Variants in ZNF267 observed in about 807,000 individuals in gnomAD.
The protein encoded by ZNF267 is zinc finger (C2H2).
ZNF267 carries 61 observed loss-of-function variants against 71.6 expected under a neutral mutation model. The observed-to-expected ratio is 0.85, with a 90% CI of 0.69 to 1.05. ZNF267 has a LOEUF of 1.05. Among genes scored for constraint, ZNF267 ranks in the 50% least tolerant of loss-of-function variants. The probability of loss-of-function intolerance (pLI) is 0.00; values close to 1 mark genes in which losing one functional copy is unlikely to be tolerated. For missense variants in ZNF267, 852 were observed against 870.0 expected (o/e 0.98, Z 0.26); for synonymous variants, 288 against 293.2 (o/e 0.98, Z 0.18).
In ZNF267 at chr16:31,916,779, A is replaced by G. The variant is rs891318231; in HGVS notation, c.*298A>G. On this transcript the variant is annotated 3_prime_UTR_variant, in exon 4 of 4. Transcript: ENST00000300870. ...AAAATATCAAACTTATGAGTCACCT[A>G]GGGGTTCATAGAAAAAGGAAGTTTG... 2.3e-5 allele frequency: 6 copies of G among 256,558 alleles called. No homozygotes were observed. Among genetic ancestry groups the G allele is most frequent in the African/African-American group, 4.5e-5 (2 of 44,444 alleles). 15.9% of individuals were successfully genotyped at this position (256,558 alleles called of 1,614,324 possible). A position where few individuals can be genotyped will look rare whatever the true frequency, so the allele number is the denominator to read the frequency against.
chr16:31,890,368 C>A (rs1269364615), intron 3 of ZNF267: 3 of 152,182 alleles, frequency 2.0e-5, no homozygotes, highest in Non-Finnish European at 4.4e-5. Flanking sequence ...GAACTCCTTT[C>A]CTCTTGTGAC....
At chr16:31,893,544 TC>T (rs2083975827) in intron 3 of ZNF267, among the ~76,000 whole-genome samples, 1 of 152,228 alleles carries the variant, frequency 6.6e-6, no homozygotes, top group Non-Finnish European at 1.5e-5. Flanking sequence ...ATGGTTTGCT[TC>T]CCTTATAAAA....
chr16:31,879,616 A>G (rs2083876020), intron 1 of ZNF267, among the ~76,000 whole-genome samples: 1 of 152,186 alleles, frequency 6.6e-6, no homozygotes, highest in Non-Finnish European at 1.5e-5. Flanking sequence ...TTGTGCAGCA[A>G]AGTGCCCATT....
intron 3 of ZNF267, among the ~76,000 whole-genome samples, chr16:31,905,314 T>A (rs555964635): frequency 6.6e-6 from 1 of 152,252 alleles, no homozygotes; most frequent in East Asian, 1.9e-4. Flanking sequence ...CTATATTTCC[T>A]GAATTTGAAT....
intron 3 of ZNF267, among the ~76,000 whole-genome samples, chr16:31,910,567 T>C (rs2084128010): frequency 6.6e-6 from 1 of 151,698 alleles, no homozygotes; most frequent in Non-Finnish European, 1.5e-5. Context: ...TAATAATCTT[T>C]TGAATTTCTG....
At chr16:31,887,396 A>T (rs1451385689) in intron 3 of ZNF267, among the ~76,000 whole-genome samples, 3 of 151,738 alleles carry the variant, frequency 2.0e-5, no homozygotes, top group Non-Finnish European at 2.9e-5. Context: ...GTTTCATTTA[A>T]TGCTACTTGT....
intron 3 of ZNF267, among the ~76,000 whole-genome samples, chr16:31,902,022 T>C (rs1319752527): frequency 2.0e-5 from 3 of 152,148 alleles, no homozygotes; most frequent in African/African-American, 7.2e-5. Flanking sequence ...GGCTAGCCAG[T>C]TTTCCCAGCA....
rs1347680624 is a variant in ZNF267, at chr16:31,874,076, TCTGG to T, written c.3+108_3+111del. 3.1e-6 allele frequency: 4 copies of T among 1,300,540 alleles called. No homozygotes were observed. In the East Asian group the frequency reaches 9.5e-5, roughly 31 times the overall value. 80.6% of individuals were successfully genotyped at this position (1,300,540 alleles called of 1,614,324 possible). A position where few individuals can be genotyped will look rare whatever the true frequency, so the allele number is the denominator to read the frequency against. ...GGCCTCCCCGCAGTCAGCCTCGGGGTCTGGGCCCCGAGTCCCAACTGGTGCAGCT... is the reference window on the plus strand; with the variant it reads ...GGCCTCCCCGCAGTCAGCCTCGGGGTGCCCCGAGTCCCAACTGGTGCAGCT... On this transcript the variant is annotated intron_variant, in intron 1 of 3. Coordinates refer to ENST00000300870, the MANE Select transcript of ZNF267 (RefSeq NM_003414.6).
chr16:31,884,745 A>T, intron 2 of ZNF267, 121 bp downstream of exon 2: 2 of 1,089,148 alleles, frequency 1.8e-6, no homozygotes, highest in East Asian at 2.6e-5. Context: ...CAGGAAAAAA[A>T]TAGGGGTTTT....
At chr16:31,879,755 T>G (rs1161513232) in intron 1 of ZNF267, among the ~76,000 whole-genome samples, 4 of 152,224 alleles carry the variant, frequency 2.6e-5, no homozygotes, top group South Asian at 4.1e-4. Flanking sequence ...CAGCTCTGTC[T>G]TTCCATGCCC....
intron 3 of ZNF267, among the ~76,000 whole-genome samples, chr16:31,901,973 A>G (rs1245369255): frequency 1.3e-5 from 2 of 152,192 alleles, no homozygotes; most frequent in Non-Finnish European, 2.9e-5. Context: ...TTTTTGTATA[A>G]GGTGTAAGGA....
intron 1 of ZNF267, among the ~76,000 whole-genome samples, chr16:31,876,923 C>T (rs1437644092): frequency 6.6e-6 from 1 of 152,076 alleles, no homozygotes; most frequent in East Asian, 1.9e-4. Context: ...GGAAGGAGCC[C>T]TTTATACTGA....
At chr16:31,881,150 G>A (rs2083887296) in intron 1 of ZNF267, among the ~76,000 whole-genome samples, 1 of 152,192 alleles carries the variant, frequency 6.6e-6, no homozygotes, top group African/African-American at 2.4e-5. Context: ...AGCCCTACAT[G>A]TTTTGGTTAA....
At chr16:31,876,907 A>G (rs1413860471) in intron 1 of ZNF267, among the ~76,000 whole-genome samples, 1 of 152,072 alleles carries the variant, frequency 6.6e-6, no homozygotes, top group Middle Eastern at 3.2e-3. Context: ...TGCTCACCCC[A>G]TCCATGGAAG....
At chr16:31,884,430 T>G in intron 1 of ZNF267, 68 bp from the exon 2 acceptor site, 1 of 1,604,810 alleles carries the variant, frequency 6.2e-7, no homozygotes, top group Non-Finnish European at 8.5e-7. Flanking sequence ...AACTGTCATT[T>G]CATCTTGGGA....
chr16:31,904,440 T>C (rs1302016593), intron 3 of ZNF267, among the ~76,000 whole-genome samples: 9 of 152,254 alleles, frequency 5.9e-5, no homozygotes, highest in East Asian at 1.9e-4. Flanking sequence ...TGTAGGACAC[T>C]ACGGACTTGC....
At chr16:31,893,115 G>A (rs2083972630) in intron 3 of ZNF267, among the ~76,000 whole-genome samples, 1 of 152,236 alleles carries the variant, frequency 6.6e-6, no homozygotes, top group Admixed American at 6.5e-5. Flanking sequence ...TCTAAACGGG[G>A]GTTCCCAAAC....
chr16:31,879,703 AT>A (rs2083876591), intron 1 of ZNF267, among the ~76,000 whole-genome samples: 1 of 152,112 alleles, frequency 6.6e-6, no homozygotes, highest in Non-Finnish European at 1.5e-5. Flanking sequence ...GTTTGACTAG[AT>A]TTCTATAAAA....
In ZNF267 at chr16:31,915,119, C is replaced by A; in HGVS notation, c.870C>A (p.Ile290=). Residue 290 remains isoleucine, a synonymous_variant, in exon 4 of 4, where the codon ATC becomes ATA. Coordinates refer to ENST00000300870, the MANE Select transcript of ZNF267 (RefSeq NM_003414.6). ...LKHIQHQTIH[I]RENSYSYNKY... The stretch of plus-strand genomic sequence containing the variant: ...ATATTCAACATCAGACCATCCATAT[C>A]AGAGAAAACTCATATAGCTATAACA... 6.2e-7 allele frequency: 1 copy of A among 1,613,464 alleles called. No homozygotes were observed. The highest frequency in any genetic ancestry group is 1.1e-5 in the South Asian group (1 of 90,892).
Sources: allele counts gnomAD v4.1 joint callset (sites outside exome capture counted in the v4.1 genomes callset), GRCh38; gene constraint gnomAD v4.1.1; transcripts MANE v1.5; gene names NCBI Gene and HGNC (gene_info 2026-07-23, HGNC 2026-07-21).